KIF26B: variants seen among roughly 807,000 people sequenced by gnomAD.
The protein encoded by KIF26B is kinesin-like protein KIF26B.
In KIF26B, 63 loss-of-function variants were observed where a neutral mutation model predicts 151.2. The ratio of observed to expected loss-of-function variants is 0.42; its 90% CI spans 0.34 to 0.51. The LOEUF (loss-of-function observed/expected upper bound fraction) is 0.51. Among genes scored for constraint, KIF26B ranks in the 20% least tolerant of loss-of-function variants. KIF26B has a pLI of 0.07. For synonymous variants in KIF26B, 1,357 were observed against 1,262.1 expected (o/e 1.08, Z -1.59); for missense variants, 2,813 against 2,913.6 (o/e 0.97, Z 0.79).
intron 5 of KIF26B, among the ~76,000 whole-genome samples, chr1:245,600,073 T>C (rs1333358743): frequency 6.7e-6 from 1 of 149,908 alleles, no homozygotes; most frequent in African/African-American, 2.5e-5. Flanking sequence ...AGTTTCACTC[T>C]TGTTGCCCAG....
intron 10 of KIF26B, among the ~76,000 whole-genome samples, chr1:245,647,176 G>A (rs1278358440): frequency 1.3e-5 from 2 of 152,090 alleles, no homozygotes; most frequent in Non-Finnish European, 2.9e-5. Context: ...CTGTAATCCT[G>A]GCACTTTGGG....
At chr1:245,155,845 G>A (rs904920870) in intron 1 of KIF26B, among the ~76,000 whole-genome samples, 1 of 152,204 alleles carries the variant, frequency 6.6e-6, no homozygotes, top group African/African-American at 2.4e-5. Context: ...TTACCTGCAG[G>A]ATCCGGAGAG....
intron 9 of KIF26B, among the ~76,000 whole-genome samples, chr1:245,637,519 G>A (rs1321147441): frequency 1.2e-4 from 18 of 151,872 alleles, no homozygotes; most frequent in Admixed American, 1.2e-3. Flanking sequence ...TTAGCTTGAT[G>A]TAATCCCACT....
rs138020901 is a variant in KIF26B, at chr1:245,359,239, G to A, written c.466-7595G>A. On this transcript the variant is annotated intron_variant, in intron 2 of 14. Coordinates refer to ENST00000407071, the MANE Select transcript of KIF26B (RefSeq NM_018012.4). ...TCACTATGTTGGCCAGGCTGGTCTC[G>A]AACTCCTGACCTCAAGTGATCCTCC... 9.1e-3 allele frequency among the ~76,000 whole-genome samples: 1,384 copies of A among 152,068 alleles called. 21 individuals are homozygous for A. Among genetic ancestry groups the A allele is most frequent in the East Asian group, 0.04 (207 of 5,154 alleles).
chr1:245,171,179 A>C (rs1206627701), intron 2 of KIF26B, among the ~76,000 whole-genome samples: 5 of 152,222 alleles, frequency 3.3e-5, no homozygotes, highest in Admixed American at 6.5e-5. Context: ...AGAGTTCATC[A>C]CATTAGTTAA....
chr1:245,593,987 T>C (rs552784802), intron 5 of KIF26B, among the ~76,000 whole-genome samples: 5 of 152,370 alleles, frequency 3.3e-5, no homozygotes, highest in Admixed American at 1.3e-4. Flanking sequence ...GAAGTGTCTG[T>C]TCATATCCTT....
At chr1:245,205,192 C>T (rs1669377433) in intron 2 of KIF26B, among the ~76,000 whole-genome samples, 1 of 152,120 alleles carries the variant, frequency 6.6e-6, no homozygotes. Flanking sequence ...ATTCTAAACA[C>T]AGCCTTTCTG....
chr1:245,318,929 TA>T lies in KIF26B; in HGVS notation c.466-47904del, dbSNP rs1671832825. Among the ~76,000 whole-genome samples the T allele has an allele frequency of 6.6e-6, 1 of 152,120 alleles. No individual in the cohort carries two copies. Among genetic ancestry groups the T allele is most frequent in the Non-Finnish European group, 1.5e-5 (1 of 68,016 alleles). On this transcript the variant is annotated intron_variant, in intron 2 of 14. Coordinates refer to ENST00000407071, the MANE Select transcript of KIF26B (RefSeq NM_018012.4). This position sits in a 1 kb window ranked among gnomAD's most constrained non-coding sequence, Gnocchi z 4.0. ...AAATCTACTGCATTTTACTCCTATT[TA>T]GGAAGAAGTAAACTTTTGTAAACAG...
chr1:245,344,277 T>C lies in KIF26B; in HGVS notation c.466-22557T>C, dbSNP rs139505916. On this transcript the variant is annotated intron_variant, in intron 2 of 14. Transcript: ENST00000407071. ...TCTTTATTTTTCTTCCATCTCTTAA[T>C]TTCATTCATTCATTAGCCTTCTGTG... Among the ~76,000 whole-genome samples the C allele has an allele frequency of 2.0e-5, 3 of 152,058 alleles. No homozygotes were observed. The East Asian group carries it at 5.8e-4, about 29-fold the overall frequency.
intron 2 of KIF26B, among the ~76,000 whole-genome samples, chr1:245,290,197 GA>G (rs58992955): frequency 3.8e-5 from 1 of 26,212 alleles, no homozygotes; most frequent in Non-Finnish European, 7.3e-5. Context: ...ATGAATGAAT[GA>G]ATGAATGAAT....
intron 8 of KIF26B, 61 bp downstream of exon 8, chr1:245,609,589 G>A: frequency 6.9e-7 from 1 of 1,440,718 alleles, no homozygotes; most frequent in Non-Finnish European, 9.1e-7. Flanking sequence ...CAGAGGCTGG[G>A]GCAGCTCCAC....
intron 5 of KIF26B, among the ~76,000 whole-genome samples, chr1:245,570,137 C>T (rs954725506): frequency 2.6e-5 from 4 of 151,752 alleles, no homozygotes; most frequent in African/African-American, 9.7e-5. Context: ...GGGGTTTCAT[C>T]GTGTTAGCCA....
chr1:245,514,762 A>G (rs932433871), intron 4 of KIF26B, among the ~76,000 whole-genome samples: 3 of 152,104 alleles, frequency 2.0e-5, no homozygotes, highest in Non-Finnish European at 4.4e-5. Context: ...TAGAACCCAG[A>G]GCTGTTACCT....
chr1:245,464,798 A>G (rs1266696982), intron 4 of KIF26B, among the ~76,000 whole-genome samples: 1 of 151,924 alleles, frequency 6.6e-6, no homozygotes, highest in East Asian at 1.9e-4. Context: ...AGGGACACTG[A>G]CATGAAATCT....
intron 4 of KIF26B, among the ~76,000 whole-genome samples, chr1:245,498,913 C>T (rs1237915201): frequency 6.6e-6 from 1 of 152,118 alleles, no homozygotes; most frequent in Non-Finnish European, 1.5e-5. Context: ...AGTCAAGGAA[C>T]TGGTGAGGAA....
intron 4 of KIF26B, among the ~76,000 whole-genome samples, chr1:245,429,993 G>A (rs1187975436): frequency 6.6e-6 from 1 of 152,216 alleles, no homozygotes; most frequent in Non-Finnish European, 1.5e-5. Flanking sequence ...AAGATGGGGA[G>A]GGGCTTTAAG....
chr1:245,423,890 G>A (rs1350240425), intron 4 of KIF26B, among the ~76,000 whole-genome samples: 2 of 152,092 alleles, frequency 1.3e-5, no homozygotes, highest in East Asian at 1.9e-4. Flanking sequence ...CCAGGCTGGA[G>A]TGTAGTGACG....
chr1:245,694,984 A>T (rs745458865), intron 12 of KIF26B, among the ~76,000 whole-genome samples: 8 of 152,122 alleles, frequency 5.3e-5, no homozygotes, highest in Non-Finnish European at 1.2e-4. Flanking sequence ...CCCCGATCAG[A>T]CAGGCGGCGT....
rs941243077 is a variant in KIF26B at position 245,227,612 on chromosome 1, A to G, written c.465+70929A>G. 6.6e-6 allele frequency among the ~76,000 whole-genome samples: 1 copy of G among 152,240 alleles called. No individual in the cohort carries two copies. The highest frequency in any genetic ancestry group is 1.5e-5 in the Non-Finnish European group (1 of 68,054). ...TAATGATAGGAGAAGGGAAGAACAC[A>G]GTTACAGTATTAGACTCACTGTTTC... On this transcript the variant is annotated intron_variant, in intron 2 of 14. Coordinates refer to ENST00000407071, the MANE Select transcript of KIF26B (RefSeq NM_018012.4). This position sits in a 1 kb window ranked among gnomAD's most constrained non-coding sequence, Gnocchi z 4.1.
Sources: gnomAD v4.1 joint callset for allele counts (sites outside exome capture counted in the v4.1 genomes callset) on GRCh38, gnomAD v4.1.1 for gene constraint, Gnocchi (gnomAD v3.1) non-coding constraint, MANE v1.5 for transcripts, NCBI Gene and HGNC (gene_info 2026-07-23, HGNC 2026-07-21) for gene names.